MTRR: variants seen among roughly 807,000 people sequenced by gnomAD.
MTRR encodes the protein 5-methyltetrahydrofolate-homocysteine methyltransferase reductase.
MTRR carries 63 observed loss-of-function variants against 79.2 expected under a neutral mutation model. The observed-to-expected ratio is 0.80, with a 90% CI of 0.65 to 0.98. The LOEUF is 0.98. Among genes scored for constraint, MTRR ranks in the 50% least tolerant of loss-of-function variants. The pLI, the probability that MTRR is intolerant of heterozygous loss-of-function variation, is 0.00. For missense variants in MTRR, 895 were observed against 839.6 expected (o/e 1.07, Z -0.82); for synonymous variants, 355 against 313.3 (o/e 1.13, Z -1.41).
intron 1 of MTRR, among the ~76,000 whole-genome samples, chr5:7,853,679 A>G (rs1219184244): frequency 6.6e-6 from 1 of 152,140 alleles, no homozygotes; most frequent in Admixed American, 6.5e-5. Flanking sequence ...GCCTTGAAGA[A>G]TTGCCCCAGA....
intron 5 of MTRR, 40 bp from the exon 6 acceptor site, chr5:7,883,115 T>A (rs1394525197): frequency 1.9e-6 from 3 of 1,613,976 alleles, no homozygotes; most frequent in Non-Finnish European, 2.5e-6. Context: ...AGGGTATAAT[T>A]GAAAATTGCA....
rs141611129 is a variant in MTRR at position 7,860,627 on chromosome 5, C to G, written n.392-1324C>G. On this transcript the variant is annotated intron_variant and non_coding_transcript_variant, in intron 1 of 3. Transcript: ENST00000502509. ...TTGGGATTTAAACTAGACGTAAGAT[C>G]GGTGGTCCACTGGGCTGGCAAACCA... 2.0e-5 allele frequency among the ~76,000 whole-genome samples: 3 copies of G among 152,260 alleles called. No individual in the cohort carries two copies. In the South Asian group the frequency reaches 6.2e-4, roughly 32 times the overall value.
chr5:7,880,712 T>C (rs1274713477), intron 5 of MTRR, among the ~76,000 whole-genome samples: 1 of 152,210 alleles, frequency 6.6e-6, no homozygotes, highest in Non-Finnish European at 1.5e-5. Flanking sequence ...CCCATGATGA[T>C]AGATCTTAAC....
intron 4 of MTRR, among the ~76,000 whole-genome samples, 187 bp from the exon 5 acceptor site, chr5:7,877,757 A>G (rs1377925030): frequency 1.3e-5 from 2 of 152,072 alleles, no homozygotes; most frequent in Non-Finnish European, 2.9e-5. Context: ...TACGGTGCTA[A>G]TGAACACATA....
At chr5:7,877,860 T>C in intron 4 of MTRR, 84 bp from the exon 5 acceptor site, 13 of 1,580,774 alleles carry the variant, frequency 8.2e-6, no homozygotes, top group African/African-American at 1.3e-5. Context: ...CTTTGCCAAA[T>C]GGACAGACTG....
chr5:7,881,225 C>T (rs1230609671), intron 5 of MTRR, among the ~76,000 whole-genome samples: 1 of 152,104 alleles, frequency 6.6e-6, no homozygotes, highest in Non-Finnish European at 1.5e-5. Flanking sequence ...TGTGTGCATT[C>T]TCTCCTAGCT....
At position 7,870,852 on chromosome 5, in the gene MTRR, G is replaced by A. The variant is rs769772796; in HGVS notation, c.58G>A (p.Glu20Lys). 34 of 1,614,108 alleles carry A rather than the reference G, an allele frequency of 2.1e-5. No individual in the cohort carries two copies. Among genetic ancestry groups the A allele is most frequent in the Non-Finnish European group, 2.5e-5 (29 of 1,180,044 alleles). The stretch of plus-strand genomic sequence containing the variant: ...GCAGGGACAGGCAAAGGCCATCGCA[G>A]AAGAAATATGTGAGCAAGCTGTGGT... Reference protein sequence around the residue: ...TQQGQAKAIAEEICEQAVVHG... With the variant: ...TQQGQAKAIAKEICEQAVVHG... The change falls in exon 2 of 15, where the codon GAA (glutamate) becomes AAA (lysine). Residue 20 changes from glutamate (E) to lysine (K), a missense_variant. Transcript: ENST00000440940.
rs1043889990 is a variant in MTRR, at chr5:7,880,765, A to C, written c.781-2390A>C. ...CGGTGTTGCCCTGTGCCAGCTGCTG[A>C]GTGGCCACTGGAGGTCCTGGGCCAG... On this transcript the variant is annotated intron_variant, in intron 5 of 14. Transcript: ENST00000440940. 8.5e-5 allele frequency among the ~76,000 whole-genome samples: 13 copies of C among 152,152 alleles called. 1 individual carries two copies. Among genetic ancestry groups the C allele is most frequent in the Admixed American group, 7.9e-4 (12 of 15,282 alleles).
At chr5:7,879,275 G>T (rs1735131907) in intron 5 of MTRR, among the ~76,000 whole-genome samples, 1 of 152,106 alleles carries the variant, frequency 6.6e-6, no homozygotes, top group Non-Finnish European at 1.5e-5. Context: ...AGAGTGCAGT[G>T]TTGCACCACA....
At chr5:7,877,879 C>G in intron 4 of MTRR, 65 bp from the exon 5 acceptor site, 1 of 1,595,896 alleles carries the variant, frequency 6.3e-7, no homozygotes, top group Non-Finnish European at 8.5e-7. Flanking sequence ...TGTCATTATC[C>G]TGTTCTGTGT....
chr5:7,889,826 A>G (rs1029720305), intron 9 of MTRR, among the ~76,000 whole-genome samples: 1 of 152,152 alleles, frequency 6.6e-6, no homozygotes. Context: ...GTGCAAATCA[A>G]CATACTCATG....
chr5:7,880,839 C>T (rs1176977428), intron 5 of MTRR, among the ~76,000 whole-genome samples: 4 of 152,170 alleles, frequency 2.6e-5, no homozygotes, highest in African/African-American at 9.7e-5. Context: ...CATAGATGAG[C>T]TATGCTGATG....
At chr5:7,894,088 C>G (rs1481259317) in intron 11 of MTRR, among the ~76,000 whole-genome samples, 1 of 152,134 alleles carries the variant, frequency 6.6e-6, no homozygotes, top group Non-Finnish European at 1.5e-5. Flanking sequence ...TGCCTTTCAC[C>G]TACTCCTCCT....
At chr5:7,867,642 C>G, upstream of MTRR, 3 of 1,614,230 alleles carry the variant, frequency 1.9e-6, no homozygotes, top group Non-Finnish European at 2.5e-6. Flanking sequence ...TTTGGCAGCC[C>G]TTGATCACCA....
rs1207820860 is a variant in MTRR, at chr5:7,878,255, CCT to C, written c.718_719del (p.Leu240GlufsTer48). ...CGTTCGGTACCCCCACTCTCACAAG[CCT>C]CTCTGAATATTCCTGGTTTACCCCC... On this transcript the variant is annotated frameshift_variant, in exon 5 of 15. Coordinates refer to ENST00000440940, the MANE Select transcript of MTRR (RefSeq NM_002454.3). LOFTEE classifies it high-confidence loss of function. 2.5e-6 allele frequency: 4 copies of C among 1,614,224 alleles called. No homozygotes were observed. The highest frequency in any genetic ancestry group is 1.7e-5 in the Admixed American group (1 of 60,026).
At position 7,870,809 on chromosome 5, in the gene MTRR, G is replaced by A. The variant is rs2126643854; in HGVS notation, c.15G>A (p.Leu5=). The change falls in exon 2 of 15, where the codon CTG becomes CTA. Residue 5 remains leucine (L), a synonymous_variant. Coordinates refer to ENST00000440940, the MANE Select transcript of MTRR (RefSeq NM_002454.3). ...GCCTTGAAGTGATGAGGAGGTTTCTGTTACTATATGCTACACAGCAGGGAC... is the reference window on the plus strand; with the variant it reads ...GCCTTGAAGTGATGAGGAGGTTTCTATTACTATATGCTACACAGCAGGGAC... MRRF[L]LLYATQQGQA... The A allele has an allele frequency of 6.2e-7, 1 of 1,614,162 alleles. No individual in the cohort carries two copies. Among genetic ancestry groups the A allele is most frequent in the Non-Finnish European group, 8.5e-7 (1 of 1,180,006 alleles).
chr5:7,895,948 T>G, intron 12 of MTRR, 96 bp downstream of exon 12: 1 of 1,479,382 alleles, frequency 6.8e-7, no homozygotes, highest in Non-Finnish European at 9.2e-7. Context: ...TGTAAAATTT[T>G]TATTTAAAAA....
At chr5:7,864,123 T>C (rs934316496), upstream of MTRR, among the ~76,000 whole-genome samples, 7 of 152,226 alleles carry the variant, frequency 4.6e-5, no homozygotes, top group Non-Finnish European at 1.0e-4. Flanking sequence ...AGTGCTGCGA[T>C]TACAGGCATG....
chr5:7,866,409 C>A (rs570636799), upstream of MTRR, among the ~76,000 whole-genome samples: 32 of 152,116 alleles, frequency 2.1e-4, no homozygotes, highest in African/African-American at 6.7e-4. Context: ...CCTAAGAATG[C>A]TGCAATTTCT....
Sources: gnomAD v4.1 joint callset for allele counts (sites outside exome capture counted in the v4.1 genomes callset) on GRCh38, gnomAD v4.1.1 for gene constraint, MANE v1.5 for transcripts, NCBI Gene and HGNC (gene_info 2026-07-23, HGNC 2026-07-21) for gene names.